Variants in INPP4B observed in about 807,000 individuals in gnomAD.
INPP4B encodes the protein inositol polyphosphate 4-phosphatase type II.
INPP4B carries 55 observed loss-of-function variants against 122.5 expected under a neutral mutation model. The ratio of observed to expected loss-of-function variants is 0.45; its 90% CI spans 0.36 to 0.56. INPP4B has a LOEUF of 0.56. INPP4B is among the 20% of genes least tolerant of loss of function. INPP4B has a pLI of 0.00. For missense variants in INPP4B, 1,000 were observed against 1,097.7 expected, an observed-to-expected ratio of 0.91 and a Z score of 1.26; for synonymous variants, 403 against 388.7, an observed-to-expected ratio of 1.04 and a Z score of -0.43.
At chr4:142,360,088 T>C (rs1784905550) in intron 7 of INPP4B, among the ~76,000 whole-genome samples, 1 of 151,972 alleles carries the variant, frequency 6.6e-6, no homozygotes, top group African/African-American at 2.4e-5. Flanking sequence ...AGAAATAGCA[T>C]AATTTTAACA....
intron 9 of INPP4B, among the ~76,000 whole-genome samples, chr4:142,283,107 T>C (rs1751950347): frequency 6.6e-6 from 1 of 152,062 alleles, no homozygotes; most frequent in Non-Finnish European, 1.5e-5. Context: ...AGAGGAGATG[T>C]ATCCGATTTT....
chr4:142,244,282 T>A (rs1420871007), intron 11 of INPP4B, among the ~76,000 whole-genome samples: 1 of 134,756 alleles, frequency 7.4e-6, no homozygotes, highest in Admixed American at 8.9e-5. Flanking sequence ...ATGGTGTATA[T>A]GTGCCTTTTT....
chr4:142,456,673 C>T lies in INPP4B; in HGVS notation c.-127+5990G>A, dbSNP rs1038371089. 2.0e-5 allele frequency among the ~76,000 whole-genome samples: 3 copies of T among 151,928 alleles called. 1 individual carries two copies. The highest frequency in any genetic ancestry group is 4.4e-5 in the Non-Finnish European group (3 of 67,944). The stretch of plus-strand genomic sequence containing the variant: ...GAATCTATGTGCTATAATCTATAAA[C>T]ATTGATGAAAGAAATAAAATAAGAT... On this transcript the variant is annotated intron_variant, in intron 3 of 25. Coordinates refer to ENST00000262992, the MANE Select transcript of INPP4B (RefSeq NM_001101669.3).
chr4:142,308,833 C>T (rs1025873313), intron 8 of INPP4B, among the ~76,000 whole-genome samples: 1 of 152,108 alleles, frequency 6.6e-6, no homozygotes, highest in African/African-American at 2.4e-5. Flanking sequence ...GAAAGCTTCA[C>T]TAGAGTTGGA....
intron 2 of INPP4B, among the ~76,000 whole-genome samples, chr4:142,565,304 G>A (rs1304011662): frequency 6.6e-6 from 1 of 152,152 alleles, no homozygotes; most frequent in Admixed American, 6.5e-5. Context: ...TAAAAAGAAA[G>A]AAAGAAAGAA....
chr4:142,613,108 C>T (rs1742923293), intron 2 of INPP4B, among the ~76,000 whole-genome samples: 1 of 152,206 alleles, frequency 6.6e-6, no homozygotes, highest in East Asian at 1.9e-4. Context: ...AGGGAGCAGA[C>T]CCATGTTGAG....
chr4:142,573,956 A>T, intron 2 of INPP4B, among the ~76,000 whole-genome samples: 1 of 152,254 alleles, frequency 6.6e-6, no homozygotes, highest in East Asian at 1.9e-4. Context: ...TATACAAATT[A>T]CTTTATTATA....
chr4:142,631,785 T>C (rs960349622), intron 2 of INPP4B, among the ~76,000 whole-genome samples: 3 of 152,154 alleles, frequency 2.0e-5, no homozygotes, highest in African/African-American at 7.2e-5. Flanking sequence ...TATTTTAATA[T>C]GCTTAAAAAT....
chr4:142,186,203 A>G (rs959800246), intron 15 of INPP4B, among the ~76,000 whole-genome samples: 5 of 152,244 alleles, frequency 3.3e-5, no homozygotes, highest in African/African-American at 1.2e-4. Flanking sequence ...CATAAATAAT[A>G]GCTAATATCG....
chr4:142,719,472 C>A (rs567593115), intron 2 of INPP4B, among the ~76,000 whole-genome samples: 36 of 151,710 alleles, frequency 2.4e-4, no homozygotes, highest in African/African-American at 8.5e-4. Flanking sequence ...CTACAGGTGC[C>A]CGTCACATGC....
intron 25 of INPP4B, among the ~76,000 whole-genome samples, chr4:142,031,196 A>G (rs1444421698): frequency 6.6e-6 from 1 of 152,220 alleles, no homozygotes; most frequent in Non-Finnish European, 1.5e-5. Context: ...TATTCAGAGT[A>G]TTAAGAATCT....
At chr4:142,261,347 T>C (rs1739888835) in intron 10 of INPP4B, among the ~76,000 whole-genome samples, 1 of 152,190 alleles carries the variant, frequency 6.6e-6, no homozygotes, top group South Asian at 2.1e-4. Flanking sequence ...AGGAAGACTC[T>C]AGCATTTGTG....
chr4:142,589,056 A>G (rs567616645), intron 2 of INPP4B, among the ~76,000 whole-genome samples: 1 of 152,028 alleles, frequency 6.6e-6, no homozygotes, highest in South Asian at 2.1e-4. Context: ...AAATATAGCC[A>G]GTTGATTTTT....
chr4:142,118,623 C>A (rs1399555601), intron 21 of INPP4B, among the ~76,000 whole-genome samples: 3 of 152,122 alleles, frequency 2.0e-5, no homozygotes, highest in South Asian at 2.1e-4. Flanking sequence ...CCCTTCCTTA[C>A]ACCTTATACA....
chr4:142,218,501 A>G (rs1200099859), intron 12 of INPP4B, among the ~76,000 whole-genome samples: 1 of 152,208 alleles, frequency 6.6e-6, no homozygotes, highest in Non-Finnish European at 1.5e-5. Flanking sequence ...TAGATAATTC[A>G]TTTACGGAAA....
rs1043850854 is a variant in INPP4B at position 142,832,765 on chromosome 4, C to CT, written c.-254+13443_-254+13444insA. Among the ~76,000 whole-genome samples the CT allele has an allele frequency of 1.8e-4, 27 of 152,004 alleles. 1 individual carries two copies. The highest frequency in any genetic ancestry group is 6.1e-4 in the African/African-American group (25 of 41,316). On this transcript the variant is annotated intron_variant, in intron 1 of 25. Coordinates refer to ENST00000262992, the MANE Select transcript of INPP4B (RefSeq NM_001101669.3). The stretch of plus-strand genomic sequence containing the variant: ...ACATATCACAGTCTCTACTCCCCCC[C>CT]CGCATTGTCTTATACCTAATCCATT...
intron 12 of INPP4B, among the ~76,000 whole-genome samples, chr4:142,231,760 T>C (rs945398915): frequency 1.3e-4 from 20 of 152,268 alleles, no homozygotes; most frequent in African/African-American, 4.1e-4. Flanking sequence ...TAAACACTTC[T>C]ATAGAGTGAT....
intron 2 of INPP4B, among the ~76,000 whole-genome samples, chr4:142,573,303 AG>A (rs1259216797): frequency 6.6e-6 from 1 of 152,128 alleles, no homozygotes; most frequent in Non-Finnish European, 1.5e-5. Flanking sequence ...CACAGAGCCA[AG>A]CCACATCACA....
intron 1 of INPP4B, among the ~76,000 whole-genome samples, chr4:142,734,839 T>A (rs1195247472): frequency 6.6e-6 from 1 of 152,138 alleles, no homozygotes; most frequent in Non-Finnish European, 1.5e-5. Flanking sequence ...GAGATGGGGT[T>A]ACACCATGTT....
Sources: allele counts gnomAD v4.1 joint callset (sites outside exome capture counted in the v4.1 genomes callset), GRCh38; gene constraint gnomAD v4.1.1; transcripts MANE v1.5; gene names NCBI Gene and HGNC (gene_info 2026-07-23, HGNC 2026-07-21).